Variants in LRRK2 observed in about 807,000 individuals in gnomAD.
The protein encoded by LRRK2 is leucine-rich repeat serine/threonine-protein kinase 2.
In LRRK2, 203 loss-of-function variants were observed where a neutral mutation model predicts 302.6. That is an observed-to-expected ratio of 0.67 (90% CI 0.60 to 0.75). The LOEUF (loss-of-function observed/expected upper bound fraction) is 0.75, where lower values mean the gene tolerates loss of function less well. LRRK2 is among the 30% of genes least tolerant of loss of function. The pLI is 0.00. For synonymous variants in LRRK2, 1,066 were observed against 1,031.9 expected (o/e 1.03, Z -0.63); for missense variants, 2,830 against 2,951.0 (o/e 0.96, Z 0.95).
intron 11 of LRRK2, among the ~76,000 whole-genome samples, chr12:40,254,166 G>A (rs1014446244): frequency 6.6e-6 from 1 of 152,042 alleles, no homozygotes; most frequent in Non-Finnish European, 1.5e-5. Flanking sequence ...AGCTTTTGCA[G>A]GACATTTTTA....
chr12:40,318,291 T>A (rs537047968), intron 33 of LRRK2, among the ~76,000 whole-genome samples: 1 of 152,220 alleles, frequency 6.6e-6, no homozygotes, highest in East Asian at 1.9e-4. Flanking sequence ...GATGTGTCCA[T>A]CTTTGGAAAC....
chr12:40,367,542 A>G (rs1946915591), intron 50 of LRRK2, 102 bp from the exon 51 acceptor site: 2 of 1,121,600 alleles, frequency 1.8e-6, no homozygotes, highest in African/African-American at 3.2e-5. Flanking sequence ...TTATATTTAC[A>G]TTTATCTAAG....
chr12:40,323,109 G>A, intron 37 of LRRK2, 51 bp from the exon 38 acceptor site: 2 of 1,504,908 alleles, frequency 1.3e-6, no homozygotes, highest in African/African-American at 2.8e-5. Context: ...ACAAATTTAT[G>A]TATCTCCTTA....
At chr12:40,348,628 A>C in intron 43 of LRRK2, 119 bp downstream of exon 43, 2 of 744,390 alleles carry the variant, frequency 2.7e-6, no homozygotes, top group South Asian at 3.7e-5. Context: ...AATTAAAAAT[A>C]GTTATAAGGC....
intron 16 of LRRK2, among the ~76,000 whole-genome samples, chr12:40,276,737 A>G (rs1362829140): frequency 6.6e-6 from 1 of 152,234 alleles, no homozygotes; most frequent in Non-Finnish European, 1.5e-5. Context: ...AGACATACAT[A>G]AATTAAGGCT....
intron 46 of LRRK2, among the ~76,000 whole-genome samples, 184 bp downstream of exon 46, chr12:40,356,371 T>C (rs892073951): frequency 6.6e-6 from 1 of 152,214 alleles, no homozygotes; most frequent in African/African-American, 2.4e-5. Flanking sequence ...TGATTGACTG[T>C]ATATTTTATA....
At position 40,320,059 on chromosome 12, in the gene LRRK2, A is replaced by G; in HGVS notation, c.4899A>G (p.Lys1633=). 1 of 1,611,794 alleles carries G rather than the reference A, an allele frequency of 6.2e-7. No homozygotes were observed. Among genetic ancestry groups the G allele is most frequent in the Non-Finnish European group, 8.5e-7 (1 of 1,178,752 alleles). The change falls in exon 34 of 51, where the codon AAA becomes AAG. Residue 1633 remains lysine, a synonymous_variant. Coordinates refer to ENST00000298910, the MANE Select transcript of LRRK2 (RefSeq NM_198578.4). ...KGIISRRDVE[K]FLSKKRKFPK... ...TTATTTCGCGTAGAGATGTGGAAAA[A>G]TTTCTTTCAAAAAAAAGGAAATTTC... is the stretch of plus-strand genomic sequence containing the variant.
rs763925643 is a variant in LRRK2 at position 40,323,303 on chromosome 12, C to G, written c.5653C>G (p.Leu1885Val). The stretch of plus-strand genomic sequence containing the variant: ...ATTTGAACAAGCTCCAGAGTTTCTC[C>G]TAGGTAATTCTTTTTGTTAATTTGA... ...LEFEQAPEFL[L>V]GDGSFGSVYR... The change falls in exon 38 of 51, where the codon CTA (leucine) becomes GTA (valine). Residue 1885 changes from leucine to valine, a missense_variant. This residue lies in a region of LRRK2 where 253 missense variants were observed against 346.7 expected (regional missense o/e 0.73). Coordinates refer to ENST00000298910, the MANE Select transcript of LRRK2 (RefSeq NM_198578.4). 6.2e-7 allele frequency: 1 copy of G among 1,608,518 alleles called. No individual in the cohort carries two copies. The highest frequency in any genetic ancestry group is 1.1e-5 in the South Asian group (1 of 89,426).
In LRRK2 at chr12:40,238,079, G is replaced by A; in HGVS notation, c.547G>A (p.Ala183Thr). The A allele has an allele frequency of 6.2e-7, 1 of 1,613,658 alleles. No individual in the cohort carries two copies. The highest frequency in any genetic ancestry group is 8.5e-7 in the Non-Finnish European group (1 of 1,179,774). The change falls in exon 5 of 51, where the codon GCT (alanine) becomes ACT (threonine). Residue 183 changes from alanine (A) to threonine (T), a missense_variant. Transcript: ENST00000298910. ...NDEVQKLGCK[A>T]LHVLFERVSE... ...TGAAGTCCAGAAACTTGGATGCAAA[G>A]CTTTACATGTGCTGTTTGAGAGAGG... is the stretch of plus-strand genomic sequence containing the variant.
chr12:40,314,238 T>C lies in LRRK2; in HGVS notation c.4738+65T>C, dbSNP rs1945134026. Reference sequence around the variant, plus strand: ...AGTAACTTATAAAAGTGTTTCTGAATCTTTTATAGAATTTACATTCAAAGT... The same window carrying C: ...AGTAACTTATAAAAGTGTTTCTGAACCTTTTATAGAATTTACATTCAAAGT... On this transcript the variant is annotated intron_variant, in intron 32 of 50. Coordinates refer to ENST00000298910, the MANE Select transcript of LRRK2 (RefSeq NM_198578.4). The C allele has an allele frequency of 3.4e-6, 5 of 1,458,412 alleles. 1 individual carries two copies. Among genetic ancestry groups the C allele is most frequent in the Middle Eastern group, 3.5e-4 (2 of 5,682 alleles). 90.3% of individuals were successfully genotyped at this position (1,458,412 alleles called of 1,614,324 possible).
At position 40,287,550 on chromosome 12, in the gene LRRK2, TA is replaced by T. The variant is rs66810434; in HGVS notation, c.2689+20del. The T allele has an allele frequency of 2.4e-4, 387 of 1,602,676 alleles. No homozygotes were observed. In the African/African-American group the frequency reaches 2.9e-3, roughly 12 times the overall value. ...ACCTGGATAGTGAAGGTATTTATTA[TA>T]AAAAAAAACCCTTTATGCTTTATAT... On this transcript the variant is annotated intron_variant, in intron 20 of 50. Coordinates refer to ENST00000298910, the MANE Select transcript of LRRK2 (RefSeq NM_198578.4).
intron 33 of LRRK2, among the ~76,000 whole-genome samples, chr12:40,315,995 G>A (rs1945205023): frequency 6.6e-6 from 1 of 151,836 alleles, no homozygotes; most frequent in African/African-American, 2.4e-5. Context: ...AGCATTTTTG[G>A]CCTTTATATT....
At chr12:40,304,179 A>G in intron 27 of LRRK2, 45 bp downstream of exon 27, 1 of 1,569,496 alleles carries the variant, frequency 6.4e-7, no homozygotes, top group Non-Finnish European at 8.7e-7. Context: ...TATGATTTGC[A>G]TCATTACAAA....
In LRRK2 at chr12:40,287,263, T is replaced by C. The variant is rs1943963558; in HGVS notation, c.2501-88T>C. ...AAAATAGAAATATTCTCCAGAAGCA[T>C]AGCAATACGTAAGAACTTTGGTCCT... On this transcript the variant is annotated intron_variant, in intron 19 of 50. Coordinates refer to ENST00000298910, the MANE Select transcript of LRRK2 (RefSeq NM_198578.4). 3.6e-6 allele frequency: 4 copies of C among 1,121,784 alleles called. No individual in the cohort carries two copies. In the South Asian group the frequency reaches 3.9e-5, roughly 11 times the overall value. 69.5% of individuals were successfully genotyped at this position (1,121,784 alleles called of 1,614,324 possible). A position where few individuals can be genotyped will look rare whatever the true frequency, so the allele number is the denominator to read the frequency against.
chr12:40,284,203 T>C, intron 19 of LRRK2, 70 bp downstream of exon 19: 2 of 1,397,342 alleles, frequency 1.4e-6, no homozygotes, highest in Non-Finnish European at 9.8e-7. Context: ...ACTAGTCTTT[T>C]AGTGGTTATT....
chr12:40,308,834 A>G (rs989091582), intron 29 of LRRK2, 138 bp downstream of exon 29: 8 of 924,728 alleles, frequency 8.7e-6, no homozygotes, highest in African/African-American at 1.7e-5. Context: ...CATTTCTCCT[A>G]ATTTTACCCT....
intron 40 of LRRK2, among the ~76,000 whole-genome samples, chr12:40,340,021 C>T (rs1384404351): frequency 6.6e-6 from 1 of 152,068 alleles, no homozygotes; most frequent in Non-Finnish European, 1.5e-5. Context: ...GAAAAGTCTC[C>T]AAAAATTGGG....
At chr12:40,275,785 A>G (rs1943426482) in intron 16 of LRRK2, among the ~76,000 whole-genome samples, 1 of 151,632 alleles carries the variant, frequency 6.6e-6, no homozygotes, top group Non-Finnish European at 1.5e-5. Context: ...TAATTTTTGT[A>G]TTTTTTGTAG....
intron 27 of LRRK2, chr12:40,304,973 T>C (rs372946722): frequency 6.6e-6 from 1 of 152,240 alleles, no homozygotes; most frequent in South Asian, 2.1e-4. Context: ...AAACCATTTT[T>C]CTCAAGTTGT....
Sources: gnomAD v4.1 joint callset for allele counts (sites outside exome capture counted in the v4.1 genomes callset) on GRCh38, gnomAD v4.1.1 for gene constraint, gnomAD v4.1.1 regional missense constraint, MANE v1.5 for transcripts, NCBI Gene and HGNC (gene_info 2026-07-23, HGNC 2026-07-21) for gene names.